RAD23B: variants seen among roughly 807,000 people sequenced by gnomAD.
RAD23B encodes lysine-specific demethylase RAD23B.
RAD23B carries 5 observed loss-of-function variants against 49.1 expected under a neutral mutation model. The ratio of observed to expected loss-of-function variants is 0.10; its 90% confidence interval spans 0.05 to 0.21. The LOEUF (loss-of-function observed/expected upper bound fraction) is 0.21, where lower values mean the gene tolerates loss of function less well. RAD23B is among the 10% of genes least tolerant of loss of function. The pLI, the probability that RAD23B is intolerant of heterozygous loss-of-function variation, is 1.00. For missense variants in RAD23B, 356 were observed against 486.7 expected (o/e 0.73, Z 2.53); for synonymous variants, 184 against 165.4 (o/e 1.11, Z -0.86).
chr9:107,327,378 C>CT (rs1353965046), intron 9 of RAD23B, among the ~76,000 whole-genome samples: 3 of 152,162 alleles, frequency 2.0e-5, no homozygotes, highest in African/African-American at 7.2e-5. Flanking sequence ...AAATTATTAT[C>CT]TATCTTTGTT....
rs1826888335 is a variant in RAD23B at position 107,311,626 on chromosome 9, G to A, written c.498-56G>A. On this transcript the variant is annotated intron_variant, in intron 4 of 9. Transcript: ENST00000358015. ...CCAATTGGATAGTTACTAAACTAAT[G>A]TAAATTAAATTTTATATACTTTTTA... is the stretch of plus-strand genomic sequence containing the variant. 3.9e-6 allele frequency: 5 copies of A among 1,279,098 alleles called. No homozygotes were observed. The Admixed American group carries it at 7.0e-5, about 18-fold the overall frequency. The allele number at this position is 1,279,098 out of a possible 1,614,324, so 79.2% of individuals were successfully genotyped here.
chr9:107,310,334 C>CA (rs936821881), intron 4 of RAD23B, among the ~76,000 whole-genome samples: 36 of 149,216 alleles, frequency 2.4e-4, no homozygotes, highest in African/African-American at 4.4e-4. Context: ...GCAAGACAAC[C>CA]AAAAAAAAAA....
rs905666323 is a variant in RAD23B at position 107,283,813 on chromosome 9, C to A, written c.66+118C>A. 4.0e-6 allele frequency: 4 copies of A among 1,006,500 alleles called. No individual in the cohort carries two copies. The African/African-American group carries it at 5.2e-5, about 13-fold the overall frequency. The allele number at this position is 1,006,500 out of a possible 1,614,324, so 62.3% of individuals were successfully genotyped here. Reference sequence around the variant, plus strand: ...AAGCCCCGGAGGGCGCGATGAGGGCCCTGGGTCCTGGTGCCGGCCCTGGCG... The same window carrying A: ...AAGCCCCGGAGGGCGCGATGAGGGCACTGGGTCCTGGTGCCGGCCCTGGCG... On this transcript the variant is annotated intron_variant, in intron 1 of 9. Transcript: ENST00000358015.
chr9:107,329,511 T>G, intron 9 of RAD23B, 32 bp from the exon 10 acceptor site: 1 of 1,333,388 alleles, frequency 7.5e-7, no homozygotes, highest in Non-Finnish European at 1.1e-6. Context: ...AATTGGTGTG[T>G]TGGATTTATA....
chr9:107,326,454 C>T (rs1360543165), intron 9 of RAD23B, among the ~76,000 whole-genome samples: 1 of 140,076 alleles, frequency 7.1e-6, no homozygotes, highest in African/African-American at 2.7e-5. Flanking sequence ...GCACTCCCGC[C>T]TGGGCCACAG....
intron 5 of RAD23B, among the ~76,000 whole-genome samples, chr9:107,316,930 T>C (rs1827009369): frequency 6.6e-6 from 1 of 152,072 alleles, no homozygotes; most frequent in Non-Finnish European, 1.5e-5. Context: ...AACTGAAGCA[T>C]GTTGAAGGAA....
intron 1 of RAD23B, among the ~76,000 whole-genome samples, chr9:107,297,501 C>T (rs549602601): frequency 2.0e-5 from 3 of 152,044 alleles, no homozygotes; most frequent in African/African-American, 4.8e-5. Flanking sequence ...CCACCATGCC[C>T]GGCTAATTTT....
chr9:107,284,145 C>A, intron 1 of RAD23B: 3 of 988,948 alleles, frequency 3.0e-6, no homozygotes, highest in Non-Finnish European at 3.6e-6. Flanking sequence ...GAAGATGAGC[C>A]TTAAGAAAAA....
At chr9:107,321,483 T>C (rs2417784) in intron 6 of RAD23B, among the ~76,000 whole-genome samples, 24,860 of 143,604 alleles carry the variant, frequency 0.17, 2,410 homozygotes, top group Admixed American at 0.24. Flanking sequence ...CTGTCAAGTG[T>C]GCATCAAAAC....
At position 107,331,082 on chromosome 9, in the gene RAD23B, T is replaced by TTA. The variant is rs386519878; in HGVS notation, c.*1426_*1427insTA. ...CTTTTGTTTTTTGTTTCCTTTTTTTTAACCATCTGATACTAAGAAGATGAA... is the reference window on the plus strand; with the variant it reads ...CTTTTGTTTTTTGTTTCCTTTTTTTTTAAACCATCTGATACTAAGAAGATGAA... On this transcript the variant is annotated 3_prime_UTR_variant, in exon 10 of 10. Transcript: ENST00000358015. 3 of 152,426 alleles carry TTA rather than the reference T, an allele frequency of 2.0e-5. No individual in the cohort carries two copies. Among genetic ancestry groups the TTA allele is most frequent in the African/African-American group, 4.8e-5 (2 of 41,366 alleles). The allele number at this position is 152,426 out of a possible 1,614,324, so 9.4% of individuals were successfully genotyped here.
intron 1 of RAD23B, among the ~76,000 whole-genome samples, chr9:107,293,405 A>T (rs1401188929): frequency 6.6e-6 from 1 of 152,208 alleles, no homozygotes; most frequent in Non-Finnish European, 1.5e-5. Flanking sequence ...ACAGATTAAA[A>T]GAGTTAATTA....
At chr9:107,306,062 T>TAG (rs1272904929) in intron 3 of RAD23B, among the ~76,000 whole-genome samples, 24 of 138,712 alleles carry the variant, frequency 1.7e-4, no homozygotes, top group South Asian at 4.6e-4. Flanking sequence ...TATATATATA[T>TAG]ATATATATAT....
intron 2 of RAD23B, 113 bp from the exon 3 acceptor site, chr9:107,301,922 A>T: frequency 7.2e-7 from 1 of 1,380,862 alleles, no homozygotes. Flanking sequence ...TATGTTGGTG[A>T]TTCATATTTT....
intron 4 of RAD23B, among the ~76,000 whole-genome samples, chr9:107,310,146 G>A (rs1010787269): frequency 1.3e-5 from 2 of 152,192 alleles, no homozygotes; most frequent in South Asian, 4.2e-4. Context: ...TCAGAACAAT[G>A]TGGGGAAAAT....
chr9:107,310,757 C>T (rs1418811704), intron 4 of RAD23B, among the ~76,000 whole-genome samples: 1 of 152,154 alleles, frequency 6.6e-6, no homozygotes, highest in Non-Finnish European at 1.5e-5. Flanking sequence ...TTGCTAAGCA[C>T]TGTACTAGTG....
chr9:107,284,047 T>A, intron 1 of RAD23B: 1 of 1,033,164 alleles, frequency 9.7e-7, no homozygotes. Context: ...CTGGTATGGG[T>A]GCACAGGTGG....
At chr9:107,320,094 T>C (rs1409297394) in intron 6 of RAD23B, among the ~76,000 whole-genome samples, 1 of 152,250 alleles carries the variant, frequency 6.6e-6, no homozygotes, top group Non-Finnish European at 1.5e-5. Context: ...GTTATAAGCC[T>C]CATAACTGTA....
intron 2 of RAD23B, 49 bp from the exon 3 acceptor site, chr9:107,301,986 A>G: frequency 3.1e-6 from 5 of 1,591,640 alleles, no homozygotes; most frequent in Non-Finnish European, 3.4e-6. Flanking sequence ...ACTGAAGTGT[A>G]AGAGAAAGAT....
At chr9:107,291,728 C>T (rs151284768) in intron 1 of RAD23B, among the ~76,000 whole-genome samples, 295 of 151,974 alleles carry the variant, frequency 1.9e-3, no homozygotes, top group African/African-American at 6.8e-3. Context: ...GGAGAAGAAC[C>T]GAAGAACCAA....
Sources: allele counts gnomAD v4.1 joint callset (sites outside exome capture counted in the v4.1 genomes callset), GRCh38; gene constraint gnomAD v4.1.1; transcripts MANE v1.5; gene names NCBI Gene and HGNC (gene_info 2026-07-23, HGNC 2026-07-21).